Variants in CD28 observed in about 807,000 individuals in gnomAD.
The protein encoded by CD28 is CD28 molecule.
A neutral mutation model predicts 21.4 loss-of-function variants in CD28; 8 were observed. The observed-to-expected ratio is 0.37, with a 90% CI of 0.22 to 0.68. The LOEUF is 0.68. CD28 is among the 30% of genes least tolerant of loss of function. The probability of loss-of-function intolerance (pLI) is 0.55; values close to 1 mark genes in which losing one functional copy is unlikely to be tolerated. For missense variants in CD28, 239 were observed against 272.2 expected (o/e 0.88, Z 0.86); for synonymous variants, 106 against 104.0 (o/e 1.02, Z -0.12).
At chr2:203,706,595 C>T (rs767248888), upstream of CD28, 102 of 1,602,934 alleles carry the variant, frequency 6.4e-5, no homozygotes, top group Non-Finnish European at 8.5e-5. Flanking sequence ...CCGTGGATGA[C>T]GGAGACTCTC....
chr2:203,734,180 A>G (rs1338348201), intron 3 of CD28, among the ~76,000 whole-genome samples: 1 of 152,190 alleles, frequency 6.6e-6, no homozygotes, highest in Non-Finnish European at 1.5e-5. Context: ...GGGTGAAACT[A>G]TTGCCCTTAC....
intron 1 of CD28, among the ~76,000 whole-genome samples, chr2:203,715,384 G>A (rs1204034310): frequency 6.6e-6 from 1 of 152,064 alleles, no homozygotes; most frequent in Admixed American, 6.6e-5. Flanking sequence ...GTAAGTTAAG[G>A]TGCTCTTGCT....
At chr2:203,707,023 A>G (rs1253548732) in intron 1 of CD28, among the ~76,000 whole-genome samples, 1 of 151,784 alleles carries the variant, frequency 6.6e-6, no homozygotes, top group African/African-American at 2.4e-5. Flanking sequence ...TTATTATTTT[A>G]AATTGAGATG....
intron 2 of CD28, among the ~76,000 whole-genome samples, chr2:203,728,832 G>A (rs1442904532): frequency 3.3e-5 from 5 of 152,092 alleles, no homozygotes; most frequent in Non-Finnish European, 7.4e-5. Context: ...TTAGAACTGA[G>A]AAGGACACCA....
chr2:203,712,790 A>G (rs1039040854), intron 1 of CD28, among the ~76,000 whole-genome samples: 1 of 152,226 alleles, frequency 6.6e-6, no homozygotes, highest in Non-Finnish European at 1.5e-5. Context: ...CAAGATTTGA[A>G]TGAACGTTGT....
intron 1 of CD28, among the ~76,000 whole-genome samples, chr2:203,723,516 T>C (rs1559554095): frequency 6.6e-6 from 1 of 151,494 alleles, no homozygotes. Context: ...AAAAAATGCA[T>C]ACAGAACTCC....
chr2:203,722,269 C>T (rs941789848), intron 1 of CD28, among the ~76,000 whole-genome samples: 1 of 151,972 alleles, frequency 6.6e-6, no homozygotes, highest in Non-Finnish European at 1.5e-5. Flanking sequence ...GGTTGCTCTT[C>T]CAATTAGAAC....
rs1694006773 is a variant in CD28 at position 203,735,446 on chromosome 2, A to C, written c.*534A>C. On this transcript the variant is annotated 3_prime_UTR_variant, in exon 4 of 4. Transcript: ENST00000324106. Reference sequence around the variant, plus strand: ...CTCCCACTCATGAAATGAGCCACGTAGTTCCTATTTAATGCTGTTTTCCTT... The same window carrying C: ...CTCCCACTCATGAAATGAGCCACGTCGTTCCTATTTAATGCTGTTTTCCTT... 6.5e-6 allele frequency: 1 copy of C among 153,684 alleles called. No homozygotes were observed. The highest frequency in any genetic ancestry group is 1.5e-5 in the Non-Finnish European group (1 of 68,850). The allele number at this position is 153,684 out of a possible 1,614,324, so 9.5% of individuals were successfully genotyped here. A position where few individuals can be genotyped will look rare whatever the true frequency, so the allele number is the denominator to read the frequency against.
intron 1 of CD28, 100 bp downstream of exon 1, chr2:203,706,848 T>C: frequency 1.1e-6 from 1 of 936,242 alleles, no homozygotes; most frequent in East Asian, 2.5e-5. Flanking sequence ...AATTTGAACA[T>C]TTGAAGTGTA....
chr2:203,706,895 T>C (rs1693171620), intron 1 of CD28, 147 bp downstream of exon 1: 2 of 653,422 alleles, frequency 3.1e-6, no homozygotes, highest in Admixed American at 2.7e-5. Context: ...ATTTTGAAAA[T>C]CATTGATTCT....
chr2:203,715,261 A>G (rs1693435045), intron 1 of CD28, among the ~76,000 whole-genome samples: 1 of 152,164 alleles, frequency 6.6e-6, no homozygotes, highest in Non-Finnish European at 1.5e-5. Context: ...ATATGTACAG[A>G]AAGCTATAAT....
At chr2:203,716,510 G>A (rs181494329) in intron 1 of CD28, among the ~76,000 whole-genome samples, 177 of 152,180 alleles carry the variant, frequency 1.2e-3, no homozygotes, top group African/African-American at 3.4e-3. Context: ...AATGAATGAC[G>A]CTGTCACAGC....
intron 2 of CD28, among the ~76,000 whole-genome samples, chr2:203,727,466 CT>C (rs745791643): frequency 4.1e-5 from 6 of 147,716 alleles, no homozygotes; most frequent in Non-Finnish European, 7.5e-5. Flanking sequence ...TCCTTCCTTC[CT>C]TTTCTTTTCT....
intron 1 of CD28, among the ~76,000 whole-genome samples, chr2:203,715,448 A>C (rs1693439223): frequency 6.6e-6 from 1 of 152,134 alleles, no homozygotes; most frequent in African/African-American, 2.4e-5. Context: ...GGAAAATTGC[A>C]GACCTGACCT....
intron 2 of CD28, among the ~76,000 whole-genome samples, chr2:203,729,085 T>G (rs1693824544): frequency 6.6e-6 from 1 of 152,194 alleles, no homozygotes; most frequent in African/African-American, 2.4e-5. Context: ...TTTTCTCTAA[T>G]TTTGAATAGA....
intron 1 of CD28, among the ~76,000 whole-genome samples, chr2:203,707,455 A>C (rs1022117098): frequency 2.0e-5 from 3 of 152,202 alleles, no homozygotes; most frequent in Admixed American, 6.5e-5. Flanking sequence ...TAATTACTCT[A>C]TCTACCTGAA....
intron 1 of CD28, among the ~76,000 whole-genome samples, chr2:203,723,490 A>T (rs901528247): frequency 3.0e-5 from 2 of 66,764 alleles, no homozygotes; most frequent in Non-Finnish European, 6.1e-5. Context: ...CTGTAAAAAT[A>T]AAAAAAAAAA....
chr2:203,708,662 A>T (rs1693226271), intron 1 of CD28, among the ~76,000 whole-genome samples: 1 of 152,204 alleles, frequency 6.6e-6, no homozygotes. Context: ...TTTGTTTTCT[A>T]CTTTGACATA....
chr2:203,732,574 A>G (rs573402348), intron 3 of CD28, among the ~76,000 whole-genome samples: 2 of 152,308 alleles, frequency 1.3e-5, no homozygotes, highest in Non-Finnish European at 2.9e-5. Context: ...TGCCCTGTGT[A>G]TTGCTGCTGT....
Sources: allele counts gnomAD v4.1 joint callset (sites outside exome capture counted in the v4.1 genomes callset), GRCh38; gene constraint gnomAD v4.1.1; transcripts MANE v1.5; gene names NCBI Gene and HGNC (gene_info 2026-07-23, HGNC 2026-07-21).